Variants in SMTNL2 observed in about 807,000 individuals in gnomAD.
The protein encoded by SMTNL2 is smoothelin like 2, also known as smoothelin-like protein 2.
SMTNL2 carries 43 observed loss-of-function variants against 44.1 expected under a neutral mutation model. That is an observed-to-expected ratio of 0.98 (90% CI 0.76 to 1.26). The LOEUF (loss-of-function observed/expected upper bound fraction) is 1.26, where lower values mean the gene tolerates loss of function less well. Among genes scored for constraint, SMTNL2 ranks in the 50% most tolerant of loss-of-function variants. SMTNL2 has a pLI of 0.00. For synonymous variants in SMTNL2, 317 were observed against 287.6 expected, an observed-to-expected ratio of 1.10 and a Z score of -1.03; for missense variants, 646 against 670.2, an observed-to-expected ratio of 0.96 and a Z score of 0.40.
Position 4,592,843 on chromosome 17 carries a change from C to T in SMTNL2, c.488-86C>T. 6.6e-7 allele frequency: 1 copy of T among 1,526,360 alleles called. No individual in the cohort carries two copies. Among genetic ancestry groups the T allele is most frequent in the South Asian group, 1.3e-5 (1 of 79,090 alleles). 94.6% of individuals were successfully genotyped at this position (1,526,360 alleles called of 1,614,324 possible). ...TCCTAGAGGAGGTGGGAGGAGGGCC[C>T]AGGGAGGCTAGAGCCCTCCTGGGAG... is the stretch of plus-strand genomic sequence containing the variant. On this transcript the variant is annotated intron_variant, in intron 2 of 7. Transcript: ENST00000389313. This position sits in a 1 kb window ranked among gnomAD's most constrained non-coding sequence, Gnocchi z 4.5.
chr17:4,592,280 G>A lies in SMTNL2; in HGVS notation c.400-81G>A. On this transcript the variant is annotated intron_variant, in intron 1 of 7. Coordinates refer to ENST00000389313, the MANE Select transcript of SMTNL2 (RefSeq NM_001114974.2). This position sits in a 1 kb window ranked among gnomAD's most constrained non-coding sequence, Gnocchi z 4.5. Reference sequence around the variant, plus strand: ...GATTGGTGTTTTGCCAGAACGGGAGGGGATTTGGGGGTGGGCAGCTTTTGG... The same window carrying A: ...GATTGGTGTTTTGCCAGAACGGGAGAGGATTTGGGGGTGGGCAGCTTTTGG... The A allele has an allele frequency of 3.0e-6, 4 of 1,343,052 alleles. No individual in the cohort carries two copies. The highest frequency in any genetic ancestry group is 2.1e-6 in the Non-Finnish European group (2 of 945,538). 83.2% of individuals were successfully genotyped at this position (1,343,052 alleles called of 1,614,324 possible). A position where few individuals can be genotyped will look rare whatever the true frequency, so the allele number is the denominator to read the frequency against.
At position 4,607,572 on chromosome 17, in the gene SMTNL2, G is replaced by A; in HGVS notation, c.*85G>A. On this transcript the variant is annotated 3_prime_UTR_variant, in exon 8 of 8. Transcript: ENST00000389313. This position sits in a 1 kb window ranked among gnomAD's most constrained non-coding sequence, Gnocchi z 4.7. ...GATTCCCCAGCCAGGATGCCCCCAGGAGCCTTGCCGTTTGGTGTGAGCGCG... is the reference window on the plus strand; with the variant it reads ...GATTCCCCAGCCAGGATGCCCCCAGAAGCCTTGCCGTTTGGTGTGAGCGCG... The A allele has an allele frequency of 6.4e-7, 1 of 1,558,726 alleles. No homozygotes were observed. Among genetic ancestry groups the A allele is most frequent in the Non-Finnish European group, 8.7e-7 (1 of 1,150,266 alleles).
chr17:4,594,408 C>T (rs2150521764), intron 4 of SMTNL2, among the ~76,000 whole-genome samples: 1 of 152,108 alleles, frequency 6.6e-6, no homozygotes, highest in African/African-American at 2.4e-5. Context: ...AAGATGGTGC[C>T]ACTGCTCTCC....
chr17:4,601,685 G>A lies in SMTNL2; in HGVS notation c.1259+4362G>A, dbSNP rs1035307920. On this transcript the variant is annotated intron_variant, in intron 7 of 7. Transcript: ENST00000389313. ...ACTACAGGCACACACCCCCACACTT[G>A]GCTATTTTTTTTTTTTTAGAGACGG... Among the ~76,000 whole-genome samples, 4 of 136,630 alleles carry A rather than the reference G, an allele frequency of 2.9e-5. No homozygotes were observed. The South Asian group carries it at 1.0e-3, about 35-fold the overall frequency. 89.6% of individuals were successfully genotyped at this position (136,630 alleles called of 152,430 possible). A position where few individuals can be genotyped will look rare whatever the true frequency, so the allele number is the denominator to read the frequency against.
Position 4,597,265 on chromosome 17 carries a change from A to G in SMTNL2, c.1201A>G (p.Asn401Asp). Residue 401 changes from asparagine (N) to aspartate (D), a missense_variant, in exon 7 of 8, where the codon AAC becomes GAC. Coordinates refer to ENST00000389313, the MANE Select transcript of SMTNL2 (RefSeq NM_001114974.2). ...HSFFPDAFDY[N>D]SLSPTQRQKN... ...CTTCTTCCCCGATGCCTTTGACTAC[A>G]ACTCCCTGAGCCCCACGCAGAGGCA... 4 of 1,614,110 alleles carry G rather than the reference A, an allele frequency of 2.5e-6. No homozygotes were observed. Among genetic ancestry groups the G allele is most frequent in the Non-Finnish European group, 3.4e-6 (4 of 1,179,998 alleles).
chr17:4,584,285 G>T (rs1909245523), upstream of SMTNL2, among the ~76,000 whole-genome samples: 1 of 152,202 alleles, frequency 6.6e-6, no homozygotes, highest in South Asian at 2.1e-4. Context: ...CGGTCCAGGG[G>T]GGCCAGGGCC....
At position 4,600,005 on chromosome 17, in the gene SMTNL2, C is replaced by G. The variant is rs1030603304; in HGVS notation, c.1259+2682C>G. ...ATGAGTTCTTGCTTTTCTGCTGACT[C>G]GAGGGCGTGGGGAGGGGCGTCCACC... On this transcript the variant is annotated intron_variant, in intron 7 of 7. Transcript: ENST00000389313. This position sits in a 1 kb window ranked among gnomAD's most constrained non-coding sequence, Gnocchi z 4.7. Among the ~76,000 whole-genome samples, 7 of 152,086 alleles carry G rather than the reference C, an allele frequency of 4.6e-5. No homozygotes were observed. The highest frequency in any genetic ancestry group is 1.7e-4 in the African/African-American group (7 of 41,394).
At chr17:4,585,179 G>A (rs561486579) in intron 1 of SMTNL2, among the ~76,000 whole-genome samples, 175 bp downstream of exon 1, 3 of 152,364 alleles carry the variant, frequency 2.0e-5, no homozygotes, top group Admixed American at 2.0e-4. Context: ...GAGGGCGGGG[G>A]GAGGACCGCT....
Position 4,607,151 on chromosome 17 carries a change from T to C in SMTNL2, c.1260-210T>C, listed in dbSNP as rs1910310812. 6.6e-6 allele frequency among the ~76,000 whole-genome samples: 1 copy of C among 152,088 alleles called. No individual in the cohort carries two copies. Among genetic ancestry groups the C allele is most frequent in the Non-Finnish European group, 1.5e-5 (1 of 68,006 alleles). The stretch of plus-strand genomic sequence containing the variant: ...TGAAAACATGAATTGTACAGGTGGC[T>C]CATAAATCTGGGAGTTTGGGAAACA... On this transcript the variant is annotated intron_variant, in intron 7 of 7. Coordinates refer to ENST00000389313, the MANE Select transcript of SMTNL2 (RefSeq NM_001114974.2). The surrounding 1 kb of genome is among the most constrained non-coding windows in gnomAD (Gnocchi z 4.7).
rs1910124391 is a variant in SMTNL2, at chr17:4,603,373, G to C, written c.1260-3988G>C. ...TCTGACATGGGGGAAAAATCAGACT[G>C]AGAATAAGTAGCCTTATGGGGTCAG... On this transcript the variant is annotated intron_variant, in intron 7 of 7. Transcript: ENST00000389313. Among the ~76,000 whole-genome samples the C allele has an allele frequency of 2.0e-5, 3 of 152,290 alleles. No individual in the cohort carries two copies. In the South Asian group the frequency reaches 6.2e-4, roughly 32 times the overall value.
At chr17:4,596,679 G>C (rs1909827789) in intron 5 of SMTNL2, among the ~76,000 whole-genome samples, 181 bp from the exon 6 acceptor site, 1 of 152,164 alleles carries the variant, frequency 6.6e-6, no homozygotes, top group Admixed American at 6.5e-5. Context: ...CTGGTACATG[G>C]GCTGTGCCGT....
intron 7 of SMTNL2, among the ~76,000 whole-genome samples, chr17:4,606,697 G>A (rs1340247267): frequency 6.6e-6 from 1 of 151,766 alleles, no homozygotes; most frequent in Non-Finnish European, 1.5e-5. Context: ...CTGAGGTCAG[G>A]AGATCGAGAC....
rs1057441614 is a variant in SMTNL2, at chr17:4,592,754, G to T, written c.488-175G>T. The stretch of plus-strand genomic sequence containing the variant: ...GGGGAAGTTGGGAAAAATCAATTCT[G>T]GTTGGAGCAGTAAGATATCCCTGGT... On this transcript the variant is annotated intron_variant, in intron 2 of 7. Transcript: ENST00000389313. The surrounding 1 kb of genome is among the most constrained non-coding windows in gnomAD (Gnocchi z 4.5). 1.3e-5 allele frequency among the ~76,000 whole-genome samples: 2 copies of T among 152,126 alleles called. No individual in the cohort carries two copies. The highest frequency in any genetic ancestry group is 2.9e-5 in the Non-Finnish European group (2 of 68,006).
At position 4,598,496 on chromosome 17, in the gene SMTNL2, T is replaced by A. The variant is rs1028659645; in HGVS notation, c.1259+1173T>A. 6.6e-6 allele frequency among the ~76,000 whole-genome samples: 1 copy of A among 152,226 alleles called. No homozygotes were observed. Among genetic ancestry groups the A allele is most frequent in the Non-Finnish European group, 1.5e-5 (1 of 68,038 alleles). On this transcript the variant is annotated intron_variant, in intron 7 of 7. Coordinates refer to ENST00000389313, the MANE Select transcript of SMTNL2 (RefSeq NM_001114974.2). This position sits in a 1 kb window ranked among gnomAD's most constrained non-coding sequence, Gnocchi z 4.8. ...ACGTCGGTCTACAACCGACCTTGTT[T>A]GTTTCTGGTCTGAGTCCTCAGTGCC...
At chr17:4,593,743 C>A in intron 3 of SMTNL2, 79 bp from the exon 4 acceptor site, 3 of 1,432,512 alleles carry the variant, frequency 2.1e-6, no homozygotes, top group South Asian at 1.2e-5. Flanking sequence ...TGAGGCAGGG[C>A]TGGGTCAGAG....
At chr17:4,585,858 G>T (rs907369940) in intron 1 of SMTNL2, among the ~76,000 whole-genome samples, 1 of 152,210 alleles carries the variant, frequency 6.6e-6, no homozygotes. Flanking sequence ...CAGATTTCCC[G>T]CTGTGGGCTG....
Position 4,607,175 on chromosome 17 carries a change from C to T in SMTNL2, c.1260-186C>T, listed in dbSNP as rs931353173. ...CTCATAAATCTGGGAGTTTGGGAAA[C>T]ATTGTATTGGAGTCAGTGACTCCAA... On this transcript the variant is annotated intron_variant, in intron 7 of 7. Transcript: ENST00000389313. The surrounding 1 kb of genome is among the most constrained non-coding windows in gnomAD (Gnocchi z 4.7). 3.3e-5 allele frequency among the ~76,000 whole-genome samples: 5 copies of T among 152,080 alleles called. No individual in the cohort carries two copies. The highest frequency in any genetic ancestry group is 1.2e-4 in the African/African-American group (5 of 41,406).
chr17:4,606,135 T>C (rs1910267313), intron 7 of SMTNL2, among the ~76,000 whole-genome samples: 1 of 152,074 alleles, frequency 6.6e-6, no homozygotes, highest in African/African-American at 2.4e-5. Context: ...CTTTTTTTTT[T>C]TGAGACGGAG....
intron 4 of SMTNL2, 138 bp downstream of exon 4, chr17:4,594,035 G>A (rs376339651): frequency 2.5e-5 from 20 of 798,624 alleles, no homozygotes; most frequent in African/African-American, 6.9e-5. Context: ...AGCACTGGGC[G>A]GCAGGATGGG....
Sources: allele counts gnomAD v4.1 joint callset (sites outside exome capture counted in the v4.1 genomes callset), GRCh38; gene constraint gnomAD v4.1.1; non-coding constraint Gnocchi (gnomAD v3.1); transcripts MANE v1.5; gene names NCBI Gene and HGNC (gene_info 2026-07-23, HGNC 2026-07-21).